Variants in ROBO2 observed in about 807,000 individuals in gnomAD.
The protein encoded by ROBO2 is roundabout guidance receptor 2.
A neutral mutation model predicts 160.8 loss-of-function variants in ROBO2; 53 were observed. The observed-to-expected ratio is 0.33, with a 90% CI of 0.26 to 0.41. The LOEUF is 0.41. Among genes scored for constraint, ROBO2 ranks in the 10% least tolerant of loss-of-function variants. ROBO2 has a pLI of 1.00. For missense variants in ROBO2, 1,577 were observed against 1,722.4 expected (o/e 0.92, Z 1.49); for synonymous variants, 664 against 611.7 (o/e 1.09, Z -1.26).
At chr3:76,067,367 A>G (rs1293142685) in intron 2 of ROBO2, among the ~76,000 whole-genome samples, 1 of 152,234 alleles carries the variant, frequency 6.6e-6, no homozygotes, top group African/African-American at 2.4e-5. Flanking sequence ...AGGGACTAAG[A>G]GGAAACTTTT....
At chr3:77,475,222 A>G (rs1363926337) in intron 2 of ROBO2, among the ~76,000 whole-genome samples, 1 of 152,210 alleles carries the variant, frequency 6.6e-6, no homozygotes, top group Non-Finnish European at 1.5e-5. Flanking sequence ...TTATATCATT[A>G]TCTCACCCTA....
intron 2 of ROBO2, among the ~76,000 whole-genome samples, chr3:75,981,941 G>A (rs895564070): frequency 2.0e-5 from 3 of 150,596 alleles, no homozygotes; most frequent in Non-Finnish European, 1.5e-5. Flanking sequence ...CCCAGCTTCT[G>A]GTAACCACCC....
chr3:77,318,833 A>G (rs574963925), intron 2 of ROBO2, among the ~76,000 whole-genome samples: 20 of 152,266 alleles, frequency 1.3e-4, no homozygotes, highest in Admixed American at 3.9e-4. Flanking sequence ...GAAATTAAAG[A>G]TGGTTGAAAT....
At chr3:77,082,588 C>A (rs1317615324) in intron 1 of ROBO2, among the ~76,000 whole-genome samples, 1 of 151,562 alleles carries the variant, frequency 6.6e-6, no homozygotes, top group African/African-American at 2.4e-5. Flanking sequence ...TCCTGTGAAA[C>A]ATATCAAAAG....
chr3:76,544,379 C>CA (rs2082980423), intron 2 of ROBO2, among the ~76,000 whole-genome samples: 1 of 151,902 alleles, frequency 6.6e-6, no homozygotes, highest in Non-Finnish European at 1.5e-5. Flanking sequence ...TTTTGAAAGT[C>CA]AAAAATAATT....
intron 2 of ROBO2, among the ~76,000 whole-genome samples, chr3:76,294,370 C>T (rs1420951720): frequency 6.6e-6 from 1 of 152,138 alleles, no homozygotes; most frequent in African/African-American, 2.4e-5. Context: ...CTGGCCACGC[C>T]TCCCCGACTG....
chr3:75,929,747 T>A (rs183599081), intron 1 of ROBO2, among the ~76,000 whole-genome samples: 80 of 151,580 alleles, frequency 5.3e-4, no homozygotes, highest in African/African-American at 1.9e-3. Flanking sequence ...CAGGCTGGAG[T>A]ATAATGGTGT....
chr3:76,875,056 G>C (rs1042882506), intron 2 of ROBO2, among the ~76,000 whole-genome samples: 2 of 152,168 alleles, frequency 1.3e-5, no homozygotes, highest in African/African-American at 4.8e-5. Context: ...CTGAAGAAGT[G>C]ATTAGGCCAT....
intron 2 of ROBO2, among the ~76,000 whole-genome samples, chr3:77,313,839 C>A (rs868654258): frequency 2.0e-5 from 3 of 152,200 alleles, no homozygotes; most frequent in African/African-American, 7.2e-5. Flanking sequence ...CTACCTCGGC[C>A]TCCCAAAGTG....
intron 2 of ROBO2, among the ~76,000 whole-genome samples, chr3:77,398,136 C>A (rs762118329): frequency 6.6e-6 from 1 of 152,038 alleles, no homozygotes; most frequent in Non-Finnish European, 1.5e-5. Flanking sequence ...TAACTAGGAT[C>A]ATTTTAAAGC....
chr3:76,784,375 A>G (rs987063729), intron 2 of ROBO2, among the ~76,000 whole-genome samples: 2 of 150,904 alleles, frequency 1.3e-5, no homozygotes, highest in Non-Finnish European at 3.0e-5. Context: ...ATGTCTTGGG[A>G]TTGTGTGTCT....
At chr3:76,624,796 C>CAAAAAAAAAAAAAAAAAAAAAAAAAA (rs57920315) in intron 2 of ROBO2, among the ~76,000 whole-genome samples, 1 of 46,292 alleles carries the variant, frequency 2.2e-5, no homozygotes, top group Non-Finnish European at 3.4e-5. Flanking sequence ...GACTCCGTCT[C>CAAAAAAAAAAAAAAAAAAAAAAAAAA]AAAAAAAAAA....
At chr3:76,074,631 G>A (rs1489415551) in intron 2 of ROBO2, among the ~76,000 whole-genome samples, 1 of 152,178 alleles carries the variant, frequency 6.6e-6, no homozygotes, top group Non-Finnish European at 1.5e-5. Context: ...CTAATATTAA[G>A]TGAGATGGAT....
At chr3:76,586,283 A>T (rs1404891752) in intron 2 of ROBO2, among the ~76,000 whole-genome samples, 1 of 152,186 alleles carries the variant, frequency 6.6e-6, no homozygotes, top group African/African-American at 2.4e-5. Context: ...TTTACAGATG[A>T]TGTGTTTTAG....
At chr3:77,348,003 A>G (rs114984312) in intron 2 of ROBO2, among the ~76,000 whole-genome samples, 77 of 151,984 alleles carry the variant, frequency 5.1e-4, no homozygotes, top group Non-Finnish European at 8.7e-4. Context: ...CTCCACCCAC[A>G]CTTTTCTGCT....
intron 2 of ROBO2, among the ~76,000 whole-genome samples, chr3:76,827,672 C>T (rs1371859962): frequency 2.0e-5 from 3 of 152,070 alleles, no homozygotes; most frequent in African/African-American, 4.8e-5. Context: ...CAATTCAGTT[C>T]AAGGATTTTC....
In ROBO2 at chr3:76,395,930, C is replaced by A. The variant is rs1200201808; in HGVS notation, c.109+458328C>A. On this transcript the variant is annotated intron_variant, in intron 2 of 26. Transcript: ENST00000487694. ...TGGTACTATTCCTTCTGAAACCATT[C>A]CAATCAATAGAAAAAGAGGGAATCC... Among the ~76,000 whole-genome samples, 5 of 152,208 alleles carry A rather than the reference C, an allele frequency of 3.3e-5. 1 individual carries two copies. Among genetic ancestry groups the A allele is most frequent in the South Asian group, 2.1e-4 (1 of 4,824 alleles).
intron 2 of ROBO2, chr3:76,434,722 C>G: frequency 9.3e-7 from 1 of 1,070,950 alleles, no homozygotes; most frequent in Non-Finnish European, 1.5e-6. Flanking sequence ...CCTCCTCCCC[C>G]AGTCTCTACC....
At chr3:76,827,700 C>T (rs951921923) in intron 2 of ROBO2, among the ~76,000 whole-genome samples, 2 of 151,996 alleles carry the variant, frequency 1.3e-5, no homozygotes, top group African/African-American at 2.4e-5. Flanking sequence ...AGTGTACAAC[C>T]TCCTCCAAAT....
Sources: gnomAD v4.1 joint callset for allele counts (sites outside exome capture counted in the v4.1 genomes callset) on GRCh38, gnomAD v4.1.1 for gene constraint, MANE v1.5 for transcripts, NCBI Gene and HGNC (gene_info 2026-07-23, HGNC 2026-07-21) for gene names.